SHOX2: variants seen among roughly 807,000 people sequenced by gnomAD.
SHOX2 encodes the protein SHOX homeobox 2.
Under a neutral mutation model 31.3 loss-of-function variants are expected in SHOX2, and 13 were observed. The ratio of observed to expected loss-of-function variants is 0.42; its 90% CI spans 0.27 to 0.66. The LOEUF is 0.66. SHOX2 is among the 30% of genes least tolerant of loss of function. SHOX2 has a pLI of 0.27. For missense variants in SHOX2, 473 were observed against 443.0 expected, an observed-to-expected ratio of 1.07 and a Z score of -0.61; for synonymous variants, 244 against 196.2, an observed-to-expected ratio of 1.24 and a Z score of -2.04.
chr3:158,106,303 A>C lies in SHOX2; in HGVS notation c.-279T>G. The C allele has an allele frequency of 4.7e-6, 2 of 424,982 alleles. No individual in the cohort carries two copies. Among genetic ancestry groups the C allele is most frequent in the Non-Finnish European group, 8.3e-6 (2 of 240,250 alleles). 26.3% of individuals were successfully genotyped at this position (424,982 alleles called of 1,614,324 possible). A position where few individuals can be genotyped will look rare whatever the true frequency, so the allele number is the denominator to read the frequency against. On this transcript the variant is annotated 5_prime_UTR_variant, in exon 1 of 5. Coordinates refer to ENST00000483851, the MANE Select transcript of SHOX2 (RefSeq NM_001163678.2). ...GAGGAGAGGGAGGAGGAGGAGGAGA[A>C]GAGAAGGGGCGGGGGCTGCCGGAGG... is the stretch of plus-strand genomic sequence containing the variant.
rs1185954890 is a variant in SHOX2, at chr3:158,097,619, T to C, written c.*408A>G. The C allele has an allele frequency of 6.0e-6, 1 of 166,254 alleles. No homozygotes were observed. Among genetic ancestry groups the C allele is most frequent in the African/African-American group, 2.4e-5 (1 of 42,048 alleles). The allele number at this position is 166,254 out of a possible 1,614,324, so 10.3% of individuals were successfully genotyped here. ...TTCCTCTTTTTCTCTCCCGTTTGTCTTTCGATTTTTTTGTTTGCTCATTTT... is the reference window on the plus strand; with the variant it reads ...TTCCTCTTTTTCTCTCCCGTTTGTCCTTCGATTTTTTTGTTTGCTCATTTT... On this transcript the variant is annotated 3_prime_UTR_variant, in exon 5 of 5. Coordinates refer to ENST00000483851, the MANE Select transcript of SHOX2 (RefSeq NM_001163678.2).
intron 3 of SHOX2, 22 bp downstream of exon 3, chr3:158,100,232 G>A (rs762641775): frequency 3.5e-5 from 54 of 1,548,112 alleles, no homozygotes; most frequent in East Asian, 2.2e-4. Context: ...ACTATCAAAT[G>A]TTCCTTGTAT....
At chr3:158,099,286 G>A (rs770434893) in intron 4 of SHOX2, among the ~76,000 whole-genome samples, 3 of 152,238 alleles carry the variant, frequency 2.0e-5, no homozygotes, top group African/African-American at 4.8e-5. Flanking sequence ...TACTCTTAAA[G>A]GTTTCTTTAT....
Position 158,098,235 on chromosome 3 carries a change from T to C in SHOX2, c.752A>G (p.His251Arg). The change falls in exon 5 of 5, where the codon CAC becomes CGC. Residue 251 changes from histidine (H) to arginine (R), a missense_variant. His to Arg is a conservative substitution (Grantham distance 29). Transcript: ENST00000483851. ...GTGCGCGGCCAGGTGCGGATGCAGG[T>C]GGTGGTGCGCGTGCGCCACAGCGCT... Reference protein sequence around the residue: ...LDSAVAHAHHHLHPHLAAHAP... With the variant: ...LDSAVAHAHHRLHPHLAAHAP... The C allele has an allele frequency of 2.5e-6, 4 of 1,613,866 alleles. No homozygotes were observed. Among genetic ancestry groups the C allele is most frequent in the Non-Finnish European group, 3.4e-6 (4 of 1,179,902 alleles).
intron 1 of SHOX2, 72 bp downstream of exon 1, chr3:158,105,607 G>T: frequency 7.3e-7 from 1 of 1,374,374 alleles, no homozygotes; most frequent in Non-Finnish European, 9.8e-7. Flanking sequence ...GGGCCTCGGA[G>T]TCCTCTCCCG....
intron 4 of SHOX2, among the ~76,000 whole-genome samples, chr3:158,099,582 C>G (rs989130024): frequency 3.3e-5 from 5 of 152,194 alleles, no homozygotes; most frequent in Admixed American, 2.0e-4. Context: ...TTTCCTTCCT[C>G]TCTCTCTAAG....
Position 158,102,798 on chromosome 3 carries a change from G to T in SHOX2, c.435C>A (p.Thr145=), listed in dbSNP as rs1416461057. 40 of 1,613,872 alleles carry T rather than the reference G, an allele frequency of 2.5e-5. No individual in the cohort carries two copies. The highest frequency in any genetic ancestry group is 3.3e-5 in the Non-Finnish European group (39 of 1,180,026). Residue 145 remains threonine (T), a synonymous_variant, in exon 2 of 5, where the codon ACC becomes ACA. Coordinates refer to ENST00000483851, the MANE Select transcript of SHOX2 (RefSeq NM_001163678.2). ...CATTGAGTTGTTCCAGGGTGAAATT[G>T]GTCCGACTTCGCCTCTGCTTGATTT... is the stretch of plus-strand genomic sequence containing the variant. ...QTKIKQRRSR[T]NFTLEQLNEL...
intron 1 of SHOX2, 73 bp downstream of exon 1, chr3:158,105,606 A>AGTCC: frequency 7.3e-7 from 1 of 1,366,988 alleles, no homozygotes; most frequent in Non-Finnish European, 9.8e-7. Flanking sequence ...TGGGCCTCGG[A>AGTCC]GTCCTCTCCC....
chr3:158,104,205 C>A (rs776281033), intron 1 of SHOX2: 1 of 152,260 alleles, frequency 6.6e-6, no homozygotes, highest in African/African-American at 2.4e-5. Flanking sequence ...CTGCGCCCGC[C>A]GGGGGTTCAG....
chr3:158,105,334 G>GC (rs1457292708), intron 1 of SHOX2: 1 of 588,064 alleles, frequency 1.7e-6, no homozygotes, highest in Non-Finnish European at 3.0e-6. Flanking sequence ...CTGCAGCCCG[G>GC]CCCCGCGAAC....
Position 158,100,357 on chromosome 3 carries a change from T to A in SHOX2, c.556-46A>T, listed in dbSNP as rs551027631. 1.4e-5 allele frequency: 21 copies of A among 1,470,216 alleles called. No homozygotes were observed. The African/African-American group carries it at 3.0e-4, about 21-fold the overall frequency. 91.1% of individuals were successfully genotyped at this position (1,470,216 alleles called of 1,614,324 possible). On this transcript the variant is annotated intron_variant, in intron 2 of 4. Transcript: ENST00000483851. Reference sequence around the variant, plus strand: ...AAAAATAAAACCTAGATGTTATGACTAAAAATTTTTTTAAATTACAAAAGT... The same window carrying A: ...AAAAATAAAACCTAGATGTTATGACAAAAAATTTTTTTAAATTACAAAAGT...
Position 158,098,233 on chromosome 3 carries a change from G to C in SHOX2, c.754C>G (p.Leu252Val), listed in dbSNP as rs1713261310. ...DSAVAHAHHHLHPHLAAHAPY... is the reference protein window; with the variant it reads ...DSAVAHAHHHVHPHLAAHAPY... ...GCGTGCGCGGCCAGGTGCGGATGCA[G>C]GTGGTGGTGCGCGTGCGCCACAGCG... The change falls in exon 5 of 5, where the codon CTG becomes GTG. Residue 252 changes from leucine to valine, a missense_variant. By Grantham distance (32) the Leu-to-Val change is conservative. Transcript: ENST00000483851. The C allele has an allele frequency of 6.2e-7, 1 of 1,613,978 alleles. No individual in the cohort carries two copies. Among genetic ancestry groups the C allele is most frequent in the East Asian group, 2.2e-5 (1 of 44,880 alleles).
chr3:158,105,319 C>T (rs899505319), intron 1 of SHOX2: 86 of 594,278 alleles, frequency 1.4e-4, no homozygotes, highest in Non-Finnish European at 2.5e-4. Flanking sequence ...GTTCAGCACC[C>T]CCTCCTGCAG....
intron 3 of SHOX2, 135 bp from the exon 4 acceptor site, chr3:158,100,083 T>C (rs1436832408): frequency 2.2e-6 from 2 of 918,164 alleles, no homozygotes; most frequent in East Asian, 2.6e-5. Context: ...AAAATTTAAA[T>C]AAATGTAACT....
In SHOX2 at chr3:158,097,164, TTG is replaced by T. The variant is rs1248258774; in HGVS notation, c.*861_*862del. On this transcript the variant is annotated 3_prime_UTR_variant, in exon 5 of 5. Transcript: ENST00000483851. ...AGAAATCATTGTCTGTGGCATTTTTTTGTGTTAATATTATTTTTCTCTCTCCT... is the reference window on the plus strand; with the variant it reads ...AGAAATCATTGTCTGTGGCATTTTTTTGTTAATATTATTTTTCTCTCTCCT... 6.6e-6 allele frequency: 1 copy of T among 152,038 alleles called. No individual in the cohort carries two copies. The highest frequency in any genetic ancestry group is 1.5e-5 in the Non-Finnish European group (1 of 67,936). 9.4% of individuals were successfully genotyped at this position (152,038 alleles called of 1,614,324 possible). A position where few individuals can be genotyped will look rare whatever the true frequency, so the allele number is the denominator to read the frequency against.
In SHOX2 at chr3:158,105,777, G is replaced by GCTC. The variant is rs763273803; in HGVS notation, c.245_247dup (p.Gly82dup). The GCTC allele has an allele frequency of 4.6e-6, 7 of 1,512,900 alleles. No individual in the cohort carries two copies. The highest frequency in any genetic ancestry group is 1.9e-4 in the Middle Eastern group (1 of 5,310). The allele number at this position is 1,512,900 out of a possible 1,614,324, so 93.7% of individuals were successfully genotyped here. On this transcript the variant is annotated inframe_insertion, in exon 1 of 5. Transcript: ENST00000483851. Reference sequence around the variant, plus strand: ...GCGCCCTCCTCCAGCTCCTCCGCCTGCTCCTCCTCCTCCTACACCTCCTCC... The same window carrying GCTC: ...GCGCCCTCCTCCAGCTCCTCCGCCTGCTCCTCCTCCTCCTCCTACACCTCCTCC...
intron 1 of SHOX2, chr3:158,103,763 A>G (rs1159083455): frequency 6.6e-6 from 1 of 152,198 alleles, no homozygotes; most frequent in African/African-American, 2.4e-5. Flanking sequence ...CTCGACCCTA[A>G]ACGCTTAACC....
chr3:158,105,377 G>C, intron 1 of SHOX2: 1 of 590,164 alleles, frequency 1.7e-6, no homozygotes, highest in East Asian at 2.8e-5. Context: ...TCCGGGCTGC[G>C]GGCCCATCCT....
In SHOX2 at chr3:158,099,917, T is replaced by C. The variant is rs1713384145; in HGVS notation, c.645A>G (p.Glu215=). Residue 215 remains glutamate, a synonymous_variant, in exon 4 of 5, where the codon GAA becomes GAG. Transcript: ENST00000483851. ...GVLIGAASQF[E]ACRVAPYVNV... is the part of the protein sequence containing the mutation. ...TGACATAAGGTGCGACTCTACAAGC[T>C]TCAAACTGGCTGGCGGCCCCTATGA... 1 of 1,614,160 alleles carries C rather than the reference T, an allele frequency of 6.2e-7. No homozygotes were observed. Among genetic ancestry groups the C allele is most frequent in the Non-Finnish European group, 8.5e-7 (1 of 1,180,024 alleles).
Sources: allele counts gnomAD v4.1 joint callset (sites outside exome capture counted in the v4.1 genomes callset), GRCh38; gene constraint gnomAD v4.1.1; transcripts MANE v1.5; gene names NCBI Gene and HGNC (gene_info 2026-07-23, HGNC 2026-07-21).